The following LIMCH1 variants were observed in gnomAD, a reference collection of about 807,000 sequenced individuals.
LIMCH1 encodes the protein LIM and calponin homology domains 1.
In LIMCH1, 113 loss-of-function variants were observed where a neutral mutation model predicts 176.5. The ratio of observed to expected loss-of-function variants is 0.64; its 90% CI spans 0.55 to 0.75. The LOEUF (loss-of-function observed/expected upper bound fraction) is 0.75. Ranked by LOEUF, LIMCH1 falls within the 30% of genes least tolerant of loss-of-function variation. LIMCH1 has a pLI of 0.00. For synonymous variants in LIMCH1, 619 were observed against 645.9 expected, an observed-to-expected ratio of 0.96 and a Z score of 0.63; for missense variants, 1,674 against 1,814.9, an observed-to-expected ratio of 0.92 and a Z score of 1.41.
intron 2 of LIMCH1, among the ~76,000 whole-genome samples, chr4:41,499,641 A>G (rs1027953504): frequency 6.6e-6 from 1 of 152,184 alleles, no homozygotes; most frequent in Non-Finnish European, 1.5e-5. Context: ...AACATGGCAA[A>G]ACCCTGTCTC....
At chr4:41,451,605 C>A (rs895251832) in intron 1 of LIMCH1, among the ~76,000 whole-genome samples, 57 of 152,226 alleles carry the variant, frequency 3.7e-4, no homozygotes, top group African/African-American at 1.3e-3. Flanking sequence ...GAGGATTGGC[C>A]TATTGTGCAA....
chr4:41,482,095 C>T lies in LIMCH1; in HGVS notation c.97-12441C>T, dbSNP rs377766906. On this transcript the variant is annotated intron_variant, in intron 1 of 26. Transcript: ENST00000313860. ...CCAGCTTCTGGCCTAAAGCAATCTG[C>T]CTGCCTATGCGATCTGCCTGCCTTG... 5.3e-5 allele frequency among the ~76,000 whole-genome samples: 8 copies of T among 152,188 alleles called. No individual in the cohort carries two copies. In the East Asian group the frequency reaches 1.4e-3, roughly 26 times the overall value.
intron 1 of LIMCH1, among the ~76,000 whole-genome samples, chr4:41,486,512 T>C (rs1326037314): frequency 1.3e-5 from 2 of 152,202 alleles, no homozygotes; most frequent in Non-Finnish European, 2.9e-5. Flanking sequence ...TTATAGTTAG[T>C]ATATAGAATG....
At chr4:41,651,060 G>A (rs1218815961) in intron 18 of LIMCH1, among the ~76,000 whole-genome samples, 1 of 147,838 alleles carries the variant, frequency 6.8e-6, no homozygotes, top group Non-Finnish European at 1.5e-5. Flanking sequence ...AGGCTGGAGT[G>A]TAATGGTGCG....
chr4:41,524,546 C>T (rs2076434471), intron 3 of LIMCH1: 7 of 1,118,196 alleles, frequency 6.3e-6, no homozygotes, highest in Non-Finnish European at 9.6e-6. Context: ...CATGACAGCA[C>T]CATTTATTAC....
In LIMCH1 at chr4:41,692,330, G is replaced by A. The variant is rs11540972; in HGVS notation, c.4324G>A (p.Val1442Ile). The change falls in exon 31 of 32, where the codon GTT becomes ATT. Residue 1442 changes from valine (V) to isoleucine (I), a missense_variant. Val to Ile is a conservative substitution (Grantham distance 29). Coordinates refer to ENST00000503057, the MANE Select transcript of LIMCH1 (RefSeq NM_001330672.2). Reference protein sequence around the residue: ...QLGDAVSGTDVRIRNGLLNCN... With the variant: ...QLGDAVSGTDIRIRNGLLNCN... ...TGGAGATGCAGTGAGTGGGACGGAT[G>A]TTAGGATTCGAAATGGTCTCCTGAA... is the stretch of plus-strand genomic sequence containing the variant. 2.2e-5 allele frequency: 35 copies of A among 1,613,526 alleles called. No individual in the cohort carries two copies. Among genetic ancestry groups the A allele is most frequent in the Non-Finnish European group, 2.9e-5 (34 of 1,179,642 alleles).
chr4:41,684,639 C>A, intron 27 of LIMCH1, 121 bp downstream of exon 27: 2 of 1,072,982 alleles, frequency 1.9e-6, no homozygotes, highest in East Asian at 2.5e-5. Flanking sequence ...GGACTTCTAG[C>A]TTATGCCCAA....
intron 2 of LIMCH1, among the ~76,000 whole-genome samples, chr4:41,499,231 TAATA>T (rs1055796993): frequency 2.6e-5 from 4 of 152,208 alleles, no homozygotes; most frequent in African/African-American, 9.6e-5. Flanking sequence ...AAGAATAATA[TAATA>T]AATATCCATA....
chr4:41,584,884 A>G (rs545079459), intron 1 of LIMCH1, among the ~76,000 whole-genome samples: 2 of 152,314 alleles, frequency 1.3e-5, no homozygotes, highest in Non-Finnish European at 2.9e-5. Flanking sequence ...ACAGTTCTGG[A>G]GGCTGGGAAG....
chr4:41,512,240 A>T (rs2075016477), intron 2 of LIMCH1, among the ~76,000 whole-genome samples: 1 of 152,350 alleles, frequency 6.6e-6, no homozygotes, highest in East Asian at 1.9e-4. Flanking sequence ...TATAATAAAA[A>T]AGGAAGACAG....
intron 2 of LIMCH1, among the ~76,000 whole-genome samples, chr4:41,511,526 C>T (rs987650284): frequency 6.6e-6 from 1 of 152,204 alleles, no homozygotes; most frequent in Non-Finnish European, 1.5e-5. Context: ...TTGTCTCACA[C>T]ATGGCACTAC....
Position 41,644,532 on chromosome 4 carries a change from A to G in LIMCH1, c.2159A>G (p.Glu720Gly). Residue 720 changes from glutamate (E) to glycine (G), a missense_variant, in exon 15 of 32, where the codon GAG (glutamate) becomes GGG (glycine). Glu to Gly is a moderately conservative substitution (Grantham distance 98). Transcript: ENST00000503057. ...AGCATGTTTGACATGCGGTGTGAGG[A>G]GGAGGCCGCGGTGCAGCCGCACAGC... The part of the protein sequence containing the change: ...STSMFDMRCE[E>G]EAAVQPHSRA... 6.3e-7 allele frequency: 1 copy of G among 1,594,114 alleles called. No homozygotes were observed. Among genetic ancestry groups the G allele is most frequent in the African/African-American group, 1.3e-5 (1 of 74,438 alleles).
intron 1 of LIMCH1, among the ~76,000 whole-genome samples, chr4:41,581,810 A>G (rs2085509343): frequency 6.7e-6 from 1 of 149,748 alleles, no homozygotes; most frequent in Non-Finnish European, 1.5e-5. Flanking sequence ...TGTCTCAAAA[A>G]AAAAAAAAAA....
intron 1 of LIMCH1, among the ~76,000 whole-genome samples, chr4:41,438,577 G>A (rs573341558): frequency 2.6e-5 from 4 of 152,162 alleles, no homozygotes; most frequent in African/African-American, 2.4e-5. Flanking sequence ...GGCCTCAAGC[G>A]ATCTACCCGC....
At chr4:41,587,085 A>G (rs2086630529) in intron 1 of LIMCH1, among the ~76,000 whole-genome samples, 2 of 152,226 alleles carry the variant, frequency 1.3e-5, no homozygotes, top group Non-Finnish European at 2.9e-5. Flanking sequence ...TGGAAGCAGC[A>G]TTGCAGCTTA....
chr4:41,455,505 T>C (rs1257836904), intron 1 of LIMCH1, among the ~76,000 whole-genome samples: 1 of 152,240 alleles, frequency 6.6e-6, no homozygotes, highest in African/African-American at 2.4e-5. Context: ...TCTTTCATTG[T>C]TTCTTTCTAA....
At chr4:41,530,819 A>ATT (rs71650934) in intron 3 of LIMCH1, among the ~76,000 whole-genome samples, 53 of 84,714 alleles carry the variant, frequency 6.3e-4, no homozygotes, top group East Asian at 9.5e-4. Flanking sequence ...AAAAAAAAAA[A>ATT]TTTTTTTTTT....
chr4:41,566,611 A>G (rs1173253289), intron 1 of LIMCH1, among the ~76,000 whole-genome samples: 1 of 152,160 alleles, frequency 6.6e-6, no homozygotes, highest in Non-Finnish European at 1.5e-5. Flanking sequence ...GAGCATCAAC[A>G]TGTTGATACA....
At chr4:41,556,209 A>G (rs1277475409) in intron 1 of LIMCH1, among the ~76,000 whole-genome samples, 1 of 151,996 alleles carries the variant, frequency 6.6e-6, no homozygotes, top group Non-Finnish European at 1.5e-5. Flanking sequence ...AGCCTGACCA[A>G]CATGGCAAAA....
Sources: allele counts gnomAD v4.1 joint callset (sites outside exome capture counted in the v4.1 genomes callset), GRCh38; gene constraint gnomAD v4.1.1; transcripts MANE v1.5; gene names NCBI Gene and HGNC (gene_info 2026-07-23, HGNC 2026-07-21).